Variants in SERPINB8 observed in about 807,000 individuals in gnomAD.
SERPINB8 encodes the protein serpin B8.
Under a neutral mutation model 35.3 loss-of-function variants are expected in SERPINB8, and 25 were observed. The ratio of observed to expected loss-of-function variants is 0.71; its 90% CI spans 0.52 to 0.99. SERPINB8 has a LOEUF of 0.99. Among genes scored for constraint, SERPINB8 ranks in the 50% least tolerant of loss-of-function variants. The probability of loss-of-function intolerance (pLI) is 0.00; values close to 1 mark genes in which losing one functional copy is unlikely to be tolerated. For synonymous variants in SERPINB8, 186 were observed against 160.8 expected (o/e 1.16, Z -1.19); for missense variants, 484 against 446.5 (o/e 1.08, Z -0.76).
downstream of SERPINB8, among the ~76,000 whole-genome samples, chr18:63,992,096 C>T (rs531542427): frequency 2.3e-4 from 35 of 152,210 alleles, no homozygotes; most frequent in Admixed American, 3.3e-4. Context: ...TGTACTATTC[C>T]TATTTTGTAA....
chr18:64,001,555 A>G (rs1599165998), intron 1 of SERPINB8, among the ~76,000 whole-genome samples: 1 of 152,120 alleles, frequency 6.6e-6, no homozygotes, highest in East Asian at 1.9e-4. Context: ...CAATGGAGCA[A>G]TCTCTGCTCA....
At chr18:63,971,672 A>G (rs2050483717) in intron 1 of SERPINB8, among the ~76,000 whole-genome samples, 1 of 152,182 alleles carries the variant, frequency 6.6e-6, no homozygotes, top group African/African-American at 2.4e-5. Context: ...CCTACGCGCC[A>G]GCTCCCCAGC....
intron 7 of SERPINB8, among the ~76,000 whole-genome samples, chr18:64,017,638 T>C (rs1010341070): frequency 1.3e-5 from 2 of 152,084 alleles, no homozygotes; most frequent in African/African-American, 2.4e-5. Flanking sequence ...ACTGAGAGAT[T>C]TGAGATAATG....
intron 1 of SERPINB8, among the ~76,000 whole-genome samples, chr18:63,971,032 G>T (rs1307411551): frequency 6.6e-6 from 1 of 152,016 alleles, no homozygotes; most frequent in Non-Finnish European, 1.5e-5. Context: ...CTGCTCTCCG[G>T]GCCCCTCCCG....
At chr18:63,970,191 C>A in intron 1 of SERPINB8, 21 bp downstream of exon 1, 1 of 298,306 alleles carries the variant, frequency 3.4e-6, no homozygotes, top group South Asian at 2.9e-5. Flanking sequence ...CTGCCAGGTA[C>A]CGGGCGGGGC....
intron 3 of SERPINB8, 86 bp from the exon 4 acceptor site, chr18:63,981,635 G>A: frequency 1.1e-6 from 1 of 888,086 alleles, no homozygotes; most frequent in East Asian, 2.4e-5. Flanking sequence ...ACTTATTGTA[G>A]AAATGCAGTA....
downstream of SERPINB8, among the ~76,000 whole-genome samples, chr18:64,008,738 TA>T (rs2050912024): frequency 1.3e-5 from 2 of 152,198 alleles, no homozygotes; most frequent in African/African-American, 4.8e-5. Context: ...TATTCAAATA[TA>T]ATTCAAAAAC....
At chr18:64,000,808 A>G (rs1454517979) in intron 1 of SERPINB8, among the ~76,000 whole-genome samples, 1 of 152,230 alleles carries the variant, frequency 6.6e-6, no homozygotes, top group Non-Finnish European at 1.5e-5. Flanking sequence ...AATGAATAAA[A>G]GCCTGACTGT....
Position 63,978,472 on chromosome 18 carries a change from C to T in SERPINB8, c.164C>T (p.Ser55Phe). The change falls in exon 2 of 7, where the codon TCC becomes TTC. Residue 55 changes from serine to phenylalanine, a missense_variant. Coordinates refer to ENST00000397985, the MANE Select transcript of SERPINB8 (RefSeq NM_002640.4). Reference sequence around the variant, plus strand: ...AAGGGAAGCACTGCAGCCCAGATGTCCCAGGTATGTGTGCTTGTCACAAAG... The same window carrying T: ...AAGGGAAGCACTGCAGCCCAGATGTTCCAGGTATGTGTGCTTGTCACAAAG... Reference protein sequence around the residue: ...GAKGSTAAQMSQALCLYKDGD... With the variant: ...GAKGSTAAQMFQALCLYKDGD... The T allele has an allele frequency of 1.2e-6, 2 of 1,614,112 alleles. No homozygotes were observed. The highest frequency in any genetic ancestry group is 2.2e-5 in the East Asian group (1 of 44,888).
downstream of SERPINB8, among the ~76,000 whole-genome samples, chr18:63,994,337 TTCTC>T (rs374249422): frequency 2.7e-5 from 4 of 149,738 alleles, no homozygotes; most frequent in Non-Finnish European, 4.5e-5. Context: ...CCCTCTCTCT[TTCTC>T]TCTCTCTCTC....
intron 2 of SERPINB8, among the ~76,000 whole-genome samples, chr18:63,978,827 A>G (rs1169591869): frequency 1.3e-5 from 2 of 152,074 alleles, no homozygotes; most frequent in African/African-American, 4.8e-5. Flanking sequence ...TGCTAACATT[A>G]TATTTTTAAT....
At chr18:63,984,974 C>T in intron 5 of SERPINB8, 119 bp from the exon 6 acceptor site, 2 of 905,784 alleles carry the variant, frequency 2.2e-6, no homozygotes, top group East Asian at 2.6e-5. Flanking sequence ...TTATATCTAT[C>T]AGCATAAATG....
intron 1 of SERPINB8, among the ~76,000 whole-genome samples, chr18:64,004,082 A>C (rs1178592680): frequency 6.6e-6 from 1 of 152,246 alleles, no homozygotes; most frequent in Non-Finnish European, 1.5e-5. Flanking sequence ...TTTCTTGTTT[A>C]AAATAAAATA....
chr18:63,985,299 C>A, intron 6 of SERPINB8, 54 bp downstream of exon 6: 2 of 1,586,726 alleles, frequency 1.3e-6, no homozygotes, highest in Non-Finnish European at 1.7e-6. Context: ...GAGCTCATTT[C>A]TTTATGTTCA....
intron 3 of SERPINB8, among the ~76,000 whole-genome samples, chr18:63,980,192 C>T (rs1177433126): frequency 6.6e-6 from 1 of 152,130 alleles, no homozygotes; most frequent in Non-Finnish European, 1.5e-5. Context: ...AATTCCCTGT[C>T]CCTGAGTGAC....
downstream of SERPINB8, among the ~76,000 whole-genome samples, chr18:63,994,039 GTCCA>G (rs2050836925): frequency 6.6e-6 from 1 of 151,978 alleles, no homozygotes; most frequent in African/African-American, 2.4e-5. Context: ...TCCACTTCTA[GTCCA>G]TCCTTCCCCC....
In SERPINB8 at chr18:64,012,011, T is replaced by C. The variant is rs1014368011; in HGVS notation, c.*3-6899T>C. Among the ~76,000 whole-genome samples, 5 of 152,186 alleles carry C rather than the reference T, an allele frequency of 3.3e-5. No homozygotes were observed. In the East Asian group the frequency reaches 9.6e-4, roughly 29 times the overall value. On this transcript the variant is annotated intron_variant, in intron 7 of 7. Transcript: ENST00000636430. ...CATAATGCCCATGTCCTAAAGTTCC[T>C]GATGGTACAATAAGCAATATTGGGG...
intron 1 of SERPINB8, among the ~76,000 whole-genome samples, chr18:63,996,714 C>G (rs1342863258): frequency 6.6e-6 from 1 of 152,176 alleles, no homozygotes; most frequent in East Asian, 1.9e-4. Flanking sequence ...CGCAGCAACC[C>G]AACTACACCA....
intron 7 of SERPINB8, among the ~76,000 whole-genome samples, chr18:64,015,893 CT>C (rs1437717038): frequency 2.0e-5 from 3 of 152,198 alleles, no homozygotes; most frequent in Non-Finnish European, 4.4e-5. Context: ...TAAGCAATGT[CT>C]CTAGGCAATC....
Sources: allele counts gnomAD v4.1 joint callset (sites outside exome capture counted in the v4.1 genomes callset), GRCh38; gene constraint gnomAD v4.1.1; transcripts MANE v1.5; gene names NCBI Gene and HGNC (gene_info 2026-07-23, HGNC 2026-07-21).